AATF: variants seen among roughly 807,000 people sequenced by gnomAD.
AATF encodes protein AATF.
AATF carries 48 observed loss-of-function variants against 63.7 expected under a neutral mutation model. The ratio of observed to expected loss-of-function variants is 0.75; its 90% CI spans 0.60 to 0.96. The LOEUF (loss-of-function observed/expected upper bound fraction) is 0.96, where lower values mean the gene tolerates loss of function less well. Ranked by LOEUF, AATF falls within the 40% of genes least tolerant of loss-of-function variation. AATF has a pLI of 0.00. For synonymous variants in AATF, 258 were observed against 247.7 expected, an observed-to-expected ratio of 1.04 and a Z score of -0.39; for missense variants, 639 against 685.7, an observed-to-expected ratio of 0.93 and a Z score of 0.76.
chr17:37,031,312 T>C, intron 10 of AATF: 1 of 406,680 alleles, frequency 2.5e-6, no homozygotes, highest in East Asian at 4.3e-5. Context: ...ATGAATTAAG[T>C]ATATGGGAGC....
chr17:36,983,216 A>G (rs2071140857), intron 4 of AATF, among the ~76,000 whole-genome samples: 1 of 151,470 alleles, frequency 6.6e-6, no homozygotes, highest in Non-Finnish European at 1.5e-5. Flanking sequence ...TAATTTTTGT[A>G]TTTTTTTGTA....
chr17:37,037,203 G>C (rs1363267088), intron 11 of AATF, among the ~76,000 whole-genome samples: 1 of 151,698 alleles, frequency 6.6e-6, no homozygotes, highest in East Asian at 1.9e-4. Flanking sequence ...TTTTAATAGA[G>C]GTGGGGTTTC....
intron 8 of AATF, among the ~76,000 whole-genome samples, chr17:37,003,855 T>C (rs1189993254): frequency 6.6e-6 from 1 of 150,908 alleles, no homozygotes; most frequent in Non-Finnish European, 1.5e-5. Flanking sequence ...GTAATCCCAG[T>C]GCTCTGGGAG....
At chr17:36,974,626 T>C (rs967244971) in intron 4 of AATF, among the ~76,000 whole-genome samples, 2 of 152,234 alleles carry the variant, frequency 1.3e-5, no homozygotes, top group Non-Finnish European at 2.9e-5. Flanking sequence ...CAGTTTTCCT[T>C]ATCCTTGTCA....
chr17:36,998,446 C>T (rs1299737910), intron 8 of AATF, among the ~76,000 whole-genome samples: 1 of 152,160 alleles, frequency 6.6e-6, no homozygotes, highest in Non-Finnish European at 1.5e-5. Context: ...ACACATTATA[C>T]TCCCTTCTGA....
chr17:36,966,041 GA>G (rs2070989088), intron 4 of AATF, among the ~76,000 whole-genome samples: 2 of 151,992 alleles, frequency 1.3e-5, no homozygotes, highest in South Asian at 4.2e-4. Flanking sequence ...TCAGTTTTGG[GA>G]AAATCTTTTC....
At chr17:36,996,388 C>A (rs528423263) in intron 8 of AATF, among the ~76,000 whole-genome samples, 1 of 152,204 alleles carries the variant, frequency 6.6e-6, no homozygotes, top group East Asian at 1.9e-4. Flanking sequence ...GAGCCAAGAT[C>A]GCATCACTAC....
chr17:36,985,439 T>C (rs1030149755), intron 4 of AATF, among the ~76,000 whole-genome samples: 1 of 148,250 alleles, frequency 6.7e-6, no homozygotes, highest in African/African-American at 2.5e-5. Flanking sequence ...CATGCCTGGC[T>C]AAATTTTTTT....
chr17:36,996,638 A>G (rs1031319539), intron 8 of AATF, among the ~76,000 whole-genome samples: 6 of 152,064 alleles, frequency 3.9e-5, no homozygotes, highest in African/African-American at 1.2e-4. Context: ...TCTTTAAGAC[A>G]TTTTCCACCA....
chr17:37,009,024 C>A (rs1330140743), intron 8 of AATF, among the ~76,000 whole-genome samples: 1 of 152,186 alleles, frequency 6.6e-6, no homozygotes, highest in African/African-American at 2.4e-5. Flanking sequence ...GAAGAACCAA[C>A]TTTTTCCTTT....
chr17:37,025,325 T>G (rs1390245705), intron 10 of AATF, among the ~76,000 whole-genome samples: 1 of 152,174 alleles, frequency 6.6e-6, no homozygotes, highest in East Asian at 1.9e-4. Flanking sequence ...GAGGAGGATG[T>G]GGGTATTTAT....
At chr17:37,027,769 A>G (rs2071521500) in intron 10 of AATF, among the ~76,000 whole-genome samples, 1 of 152,192 alleles carries the variant, frequency 6.6e-6, no homozygotes, top group Non-Finnish European at 1.5e-5. Context: ...GTACATCTCA[A>G]TTCAGACTAG....
At chr17:37,017,222 C>T (rs1194497771) in intron 8 of AATF, among the ~76,000 whole-genome samples, 3 of 152,142 alleles carry the variant, frequency 2.0e-5, no homozygotes, top group East Asian at 3.8e-4. Context: ...AAACCAGGAA[C>T]GGTTGTTGTA....
intron 11 of AATF, among the ~76,000 whole-genome samples, chr17:37,035,078 C>A (rs1283424159): frequency 1.3e-5 from 2 of 149,140 alleles, no homozygotes; most frequent in African/African-American, 2.5e-5. Flanking sequence ...GAGCCGAGAT[C>A]GTGCCACTGC....
At chr17:37,047,450 A>G (rs962742618) in intron 11 of AATF, among the ~76,000 whole-genome samples, 8 of 152,134 alleles carry the variant, frequency 5.3e-5, no homozygotes, top group Non-Finnish European at 1.2e-4. Flanking sequence ...AGCACAAGTG[A>G]GAAGAAAACC....
chr17:37,018,646 G>A (rs1042810219), intron 8 of AATF, among the ~76,000 whole-genome samples: 24 of 151,988 alleles, frequency 1.6e-4, no homozygotes, highest in African/African-American at 5.6e-4. Context: ...TTTGCCACAC[G>A]GCCCTTCCCA....
At chr17:37,005,731 C>G (rs2071336322) in intron 8 of AATF, among the ~76,000 whole-genome samples, 1 of 152,130 alleles carries the variant, frequency 6.6e-6, no homozygotes, top group Non-Finnish European at 1.5e-5. Context: ...GAGGTACACA[C>G]CAAGACATCC....
intron 11 of AATF, among the ~76,000 whole-genome samples, chr17:37,037,070 G>T (rs1340181085): frequency 6.6e-6 from 1 of 151,340 alleles, no homozygotes; most frequent in African/African-American, 2.4e-5. Flanking sequence ...GTGCAGTGGG[G>T]TAATCTCGGC....
intron 5 of AATF, among the ~76,000 whole-genome samples, chr17:36,986,991 G>A (rs1370336543): frequency 6.6e-6 from 1 of 152,048 alleles, no homozygotes; most frequent in Non-Finnish European, 1.5e-5. Context: ...GAAGATAAAA[G>A]CACTTTGTTT....
Sources: gnomAD v4.1 joint callset for allele counts (sites outside exome capture counted in the v4.1 genomes callset) on GRCh38, gnomAD v4.1.1 for gene constraint, MANE v1.5 for transcripts, NCBI Gene and HGNC (gene_info 2026-07-23, HGNC 2026-07-21) for gene names.